LINGO2: variants seen among roughly 807,000 people sequenced by gnomAD.
LINGO2 encodes leucine rich repeat and Ig domain containing 2.
A neutral mutation model predicts 30.6 loss-of-function variants in LINGO2; 14 were observed. The ratio of observed to expected loss-of-function variants is 0.46; its 90% CI spans 0.30 to 0.72. The LOEUF (loss-of-function observed/expected upper bound fraction) is 0.72, where lower values mean the gene tolerates loss of function less well. LINGO2 is among the 30% of genes least tolerant of loss of function. The pLI is 0.07. For synonymous variants in LINGO2, 317 were observed against 288.5 expected (o/e 1.10, Z -1.00); for missense variants, 729 against 751.7 (o/e 0.97, Z 0.35).
chr9:29,020,951 A>G, the LINGO2 span, among the ~76,000 whole-genome samples: 1 of 152,202 alleles, frequency 6.6e-6, no homozygotes, highest in Non-Finnish European at 1.5e-5. Context: ...CTAAATTAAA[A>G]TAAGCATAAT....
chr9:29,062,478 T>C, the LINGO2 span, among the ~76,000 whole-genome samples: 1 of 152,206 alleles, frequency 6.6e-6, no homozygotes, highest in East Asian at 1.9e-4. Flanking sequence ...AAATGTGGTA[T>C]ACATATACAA....
chr9:28,621,512 C>A (rs1826393349), intron 1 of LINGO2, among the ~76,000 whole-genome samples: 1 of 151,584 alleles, frequency 6.6e-6, no homozygotes, highest in African/African-American at 2.4e-5. Context: ...CCTGTCACCA[C>A]AGGTTAGTTT....
chr9:29,144,637 C>T, the LINGO2 span, among the ~76,000 whole-genome samples: 3 of 152,042 alleles, frequency 2.0e-5, no homozygotes, highest in Non-Finnish European at 2.9e-5. Context: ...CCTTCATCAC[C>T]ACTACTGTGG....
chr9:28,440,282 TAA>T (rs1259029055), intron 2 of LINGO2, among the ~76,000 whole-genome samples: 1 of 152,160 alleles, frequency 6.6e-6, no homozygotes, highest in Non-Finnish European at 1.5e-5. Context: ...AAGAAATTTA[TAA>T]AAAATATTTC....
chr9:28,594,168 A>G (rs1825062069), intron 1 of LINGO2, among the ~76,000 whole-genome samples: 1 of 152,126 alleles, frequency 6.6e-6, no homozygotes, highest in African/African-American at 2.4e-5. Context: ...TCTAAACTAC[A>G]TATTATTTAA....
intron 3 of LINGO2, among the ~76,000 whole-genome samples, chr9:28,351,794 T>A (rs1819906081): frequency 6.6e-6 from 1 of 151,972 alleles, no homozygotes. Flanking sequence ...TCAAGAAGCT[T>A]ATCCACCATG....
chr9:28,327,911 AAAGG>A (rs768022023), intron 3 of LINGO2, among the ~76,000 whole-genome samples: 5 of 152,132 alleles, frequency 3.3e-5, no homozygotes, highest in Non-Finnish European at 7.4e-5. Context: ...AGAAAGGAAG[AAAGG>A]AAGGAAGGAA....
At chr9:28,980,388 A>G in the LINGO2 span, among the ~76,000 whole-genome samples, 888 of 152,162 alleles carry the variant, frequency 5.8e-3, 8 homozygotes, top group African/African-American at 0.021. Context: ...TTTTGCTCAA[A>G]TCCTTTCAGT....
intron 4 of LINGO2, among the ~76,000 whole-genome samples, chr9:28,216,427 G>C (rs13301081): frequency 0.13 from 19,381 of 151,830 alleles, 1,362 homozygotes; most frequent in African/African-American, 0.18. Context: ...AATGAAGAAA[G>C]AGTAGAAAAA....
chr9:28,853,189 A>G, the LINGO2 span, among the ~76,000 whole-genome samples: 1 of 152,190 alleles, frequency 6.6e-6, no homozygotes, highest in African/African-American at 2.4e-5. Context: ...TGCATTGGAT[A>G]ATGCAGAGGG....
chr9:28,270,076 T>C (rs947930468), intron 4 of LINGO2, among the ~76,000 whole-genome samples: 32 of 152,268 alleles, frequency 2.1e-4, no homozygotes, highest in African/African-American at 7.7e-4. Flanking sequence ...GCCATACCTT[T>C]AAGGTTCTGA....
At chr9:28,553,778 C>T (rs1257809079) in intron 1 of LINGO2, among the ~76,000 whole-genome samples, 3 of 151,920 alleles carry the variant, frequency 2.0e-5, no homozygotes, top group South Asian at 4.2e-4. Flanking sequence ...AAGGGAAGCC[C>T]ATCAGACTAA....
chr9:28,659,571 T>C (rs746278904), intron 1 of LINGO2, among the ~76,000 whole-genome samples: 2 of 151,944 alleles, frequency 1.3e-5, no homozygotes, highest in Non-Finnish European at 2.9e-5. Flanking sequence ...ACTCAGCCTG[T>C]CGAGTAACTG....
chr9:28,601,789 T>C (rs17833420), intron 1 of LINGO2, among the ~76,000 whole-genome samples: 22,949 of 151,998 alleles, frequency 0.15, 2,196 homozygotes, highest in Admixed American at 0.27. Context: ...TCTAACTTTA[T>C]GCAAAAGCTA....
At chr9:28,361,292 C>A (rs1461544527) in intron 3 of LINGO2, among the ~76,000 whole-genome samples, 1 of 152,080 alleles carries the variant, frequency 6.6e-6, no homozygotes, top group African/African-American at 2.4e-5. Context: ...TGTTGTTCAT[C>A]TTACTTGCCT....
At chr9:28,395,772 G>A (rs1279409062) in intron 2 of LINGO2, among the ~76,000 whole-genome samples, 1 of 152,130 alleles carries the variant, frequency 6.6e-6, no homozygotes, top group Non-Finnish European at 1.5e-5. Context: ...TATAATTACA[G>A]TTGGTTCTTT....
chr9:28,004,562 G>A (rs897865984), intron 5 of LINGO2, among the ~76,000 whole-genome samples: 2 of 152,122 alleles, frequency 1.3e-5, no homozygotes, highest in Non-Finnish European at 2.9e-5. Flanking sequence ...TGCGTTGATG[G>A]TAAGGAGTGT....
intron 5 of LINGO2, among the ~76,000 whole-genome samples, chr9:28,004,185 C>T (rs1430902580): frequency 1.3e-5 from 2 of 152,050 alleles, no homozygotes; most frequent in Non-Finnish European, 2.9e-5. Context: ...AATGAAGTAT[C>T]GACCTAATCC....
chr9:28,152,022 A>G (rs1828014149), intron 4 of LINGO2, among the ~76,000 whole-genome samples: 1 of 152,176 alleles, frequency 6.6e-6, no homozygotes, highest in South Asian at 2.1e-4. Context: ...AACCCTACCA[A>G]ATATAAGATA....
Sources: allele counts gnomAD v4.1 joint callset (sites outside exome capture counted in the v4.1 genomes callset), GRCh38; gene constraint gnomAD v4.1.1; transcripts MANE v1.5; gene names NCBI Gene and HGNC (gene_info 2026-07-23, HGNC 2026-07-21).